Variants in SOX6 observed in about 807,000 individuals in gnomAD.
SOX6 encodes transcription factor SOX-6.
Under a neutral mutation model 97.8 loss-of-function variants are expected in SOX6, and 11 were observed. The observed-to-expected ratio is 0.11, with a 90% CI of 0.07 to 0.19. The LOEUF (loss-of-function observed/expected upper bound fraction) is 0.19. Among genes scored for constraint, SOX6 ranks in the 10% least tolerant of loss-of-function variants. SOX6 has a pLI of 1.00. For synonymous variants in SOX6, 360 were observed against 371.4 expected (o/e 0.97, Z 0.35); for missense variants, 810 against 1,039.5 (o/e 0.78, Z 3.04).
chr11:16,566,534 T>G (rs112628958), intron 4 of SOX6, among the ~76,000 whole-genome samples: 1 of 152,234 alleles, frequency 6.6e-6, no homozygotes, highest in South Asian at 2.1e-4. Context: ...GCTAAGCCTA[T>G]TGTATCTCAT....
At chr11:16,668,617 A>G (rs147590881) in intron 3 of SOX6, among the ~76,000 whole-genome samples, 151 of 152,314 alleles carry the variant, frequency 9.9e-4, no homozygotes, top group African/African-American at 3.4e-3. Context: ...GAACAGATGA[A>G]TGGATTAAAC....
intron 3 of SOX6, among the ~76,000 whole-genome samples, chr11:16,285,868 C>G (rs1347804173): frequency 2.0e-5 from 3 of 152,082 alleles, no homozygotes; most frequent in African/African-American, 7.2e-5. Context: ...GATACGGAAG[C>G]AAATGAGTCT....
intron 12 of SOX6, among the ~76,000 whole-genome samples, chr11:16,024,874 G>C (rs1855172251): frequency 6.6e-6 from 1 of 151,960 alleles, no homozygotes; most frequent in African/African-American, 2.4e-5. Flanking sequence ...CTCAGGATTT[G>C]AAGAGTACTC....
At chr11:15,988,948 T>C (rs529770156) in intron 14 of SOX6, 49 bp downstream of exon 14, 8 of 1,545,492 alleles carry the variant, frequency 5.2e-6, no homozygotes, top group South Asian at 4.5e-5. Context: ...GTGGCACTCA[T>C]GGGATTTGCA....
chr11:16,270,616 G>C (rs1607480), intron 3 of SOX6, among the ~76,000 whole-genome samples: 59,235 of 149,620 alleles, frequency 0.4, 12,386 homozygotes, highest in East Asian at 0.48. Context: ...ATCAATAGAT[G>C]AATGAACAAA....
chr11:16,373,855 GGAAGGAAGGAAGGA>G (rs1857565404), intron 1 of SOX6, among the ~76,000 whole-genome samples: 1 of 75,376 alleles, frequency 1.3e-5, no homozygotes, highest in African/African-American at 5.1e-5. Flanking sequence ...AAGGAAGGAA[GGAAGGAAGGAAGGA>G]AGGAAGGAAG....
rs544532043 is a variant in SOX6 at position 16,250,620 on chromosome 11, A to G, written c.446-15949T>C. 2.5e-4 allele frequency among the ~76,000 whole-genome samples: 38 copies of G among 152,212 alleles called. 1 individual carries two copies. In the South Asian group the frequency reaches 7.5e-3, roughly 30 times the overall value. ...TAATATTCTAAGTCAAGAAGCATCA[A>G]TAAAGAAAAGTATCACATAATAATA... On this transcript the variant is annotated intron_variant, in intron 3 of 15. Transcript: ENST00000683767.
intron 3 of SOX6, chr11:16,646,226 C>G (rs1306764726): frequency 1.3e-5 from 2 of 152,192 alleles, no homozygotes; most frequent in African/African-American, 4.8e-5. Flanking sequence ...GGATACATCC[C>G]CATAAACTCT....
At chr11:16,291,588 G>C (rs966482224) in intron 3 of SOX6, among the ~76,000 whole-genome samples, 1 of 151,762 alleles carries the variant, frequency 6.6e-6, no homozygotes, top group Admixed American at 6.6e-5. Flanking sequence ...CCATAATATA[G>C]GACCTACATA....
intron 4 of SOX6, among the ~76,000 whole-genome samples, chr11:16,580,128 G>A (rs1848018913): frequency 6.6e-6 from 1 of 152,102 alleles, no homozygotes; most frequent in Middle Eastern, 3.2e-3. Context: ...CATTACCTGG[G>A]TCATTGATTC....
chr11:16,176,297 A>T (rs1192515880), intron 6 of SOX6, among the ~76,000 whole-genome samples: 1 of 151,934 alleles, frequency 6.6e-6, no homozygotes, highest in Non-Finnish European at 1.5e-5. Context: ...ATTAAATAAA[A>T]ATCTTTGGGA....
At chr11:16,228,945 G>A (rs1852765083) in intron 4 of SOX6, among the ~76,000 whole-genome samples, 1 of 151,924 alleles carries the variant, frequency 6.6e-6, no homozygotes, top group Non-Finnish European at 1.5e-5. Flanking sequence ...AGAAACCACT[G>A]GTTTTTTAAG....
chr11:16,489,900 T>A (rs1860483711), intron 4 of SOX6, among the ~76,000 whole-genome samples: 1 of 152,126 alleles, frequency 6.6e-6, no homozygotes, highest in African/African-American at 2.4e-5. Context: ...TTGCTAGATA[T>A]GTAACCATGG....
chr11:16,385,042 G>A (rs1857938593), intron 1 of SOX6, among the ~76,000 whole-genome samples: 1 of 151,980 alleles, frequency 6.6e-6, no homozygotes, highest in Non-Finnish European at 1.5e-5. Flanking sequence ...GAATAAAAAG[G>A]CACAAAGTAC....
intron 3 of SOX6, among the ~76,000 whole-genome samples, chr11:16,238,609 C>A (rs545675900): frequency 6.6e-6 from 1 of 151,834 alleles, no homozygotes; most frequent in Admixed American, 6.6e-5. Context: ...CCACACTGTA[C>A]AAAATAAAGG....
chr11:16,085,898 G>A (rs987131320), intron 9 of SOX6, among the ~76,000 whole-genome samples: 1 of 152,184 alleles, frequency 6.6e-6, no homozygotes, highest in South Asian at 2.1e-4. Context: ...GATGGTTTCA[G>A]TTCTGGGTAG....
At chr11:16,049,624 C>T (rs1847633432) in intron 11 of SOX6, 131 bp downstream of exon 11, 1 of 1,066,102 alleles carries the variant, frequency 9.4e-7, no homozygotes, top group African/African-American at 1.6e-5. Context: ...GGTTATGTTT[C>T]AGTAGAAAAG....
chr11:16,159,180 T>C lies in SOX6; in HGVS notation c.777+24706A>G, dbSNP rs569920129. ...TCTGCTGTTAGCCAAAATTATCTAA[T>C]ATTAATTCCTTATCCAAAATGACTT... On this transcript the variant is annotated intron_variant, in intron 6 of 15. Transcript: ENST00000683767. Among the ~76,000 whole-genome samples, 3 of 152,216 alleles carry C rather than the reference T, an allele frequency of 2.0e-5. No individual in the cohort carries two copies. In the South Asian group the frequency reaches 6.2e-4, roughly 32 times the overall value.
At chr11:16,459,395 A>G (rs1204438029) in intron 1 of SOX6, among the ~76,000 whole-genome samples, 1 of 152,082 alleles carries the variant, frequency 6.6e-6, no homozygotes, top group Non-Finnish European at 1.5e-5. Context: ...AGCACTTAAA[A>G]TCGTGAAATT....
Sources: gnomAD v4.1 joint callset for allele counts (sites outside exome capture counted in the v4.1 genomes callset) on GRCh38, gnomAD v4.1.1 for gene constraint, MANE v1.5 for transcripts, NCBI Gene and HGNC (gene_info 2026-07-23, HGNC 2026-07-21) for gene names.